FRY: variants seen among roughly 807,000 people sequenced by gnomAD.
FRY encodes the protein FRY microtubule binding protein, also known as protein furry homolog.
Under a neutral mutation model 348.4 loss-of-function variants are expected in FRY, and 128 were observed. That is an observed-to-expected ratio of 0.37 (90% CI 0.32 to 0.43). The LOEUF (loss-of-function observed/expected upper bound fraction) is 0.43, where lower values mean the gene tolerates loss of function less well. Ranked by LOEUF, FRY falls within the 20% of genes least tolerant of loss-of-function variation. The probability of loss-of-function intolerance (pLI) is 1.00; values close to 1 mark genes in which losing one functional copy is unlikely to be tolerated. For synonymous variants in FRY, 1,370 were observed against 1,374.7 expected (o/e 1.00, Z 0.08); for missense variants, 2,736 against 3,695.2 (o/e 0.74, Z 6.73).
At chr13:32,095,177 A>AT (rs1876603809) in intron 2 of FRY, among the ~76,000 whole-genome samples, 1 of 122,758 alleles carries the variant, frequency 8.1e-6, no homozygotes, top group Non-Finnish European at 1.7e-5. Flanking sequence ...TCTTTTGCCC[A>AT]TTTTTTGATC....
chr13:32,193,981 C>T (rs559106068), intron 28 of FRY, among the ~76,000 whole-genome samples, 162 bp from the exon 29 acceptor site: 3 of 152,200 alleles, frequency 2.0e-5, no homozygotes, highest in Admixed American at 6.5e-5. Flanking sequence ...TTTTCAGTTA[C>T]GACATTATAC....
At chr13:32,130,027 T>C (rs902919086) in intron 7 of FRY, among the ~76,000 whole-genome samples, 8 of 151,788 alleles carry the variant, frequency 5.3e-5, no homozygotes, top group Non-Finnish European at 1.0e-4. Context: ...ACCTTTCATT[T>C]CTATAATCAC....
At chr13:32,075,875 C>T (rs756751498) in intron 1 of FRY, among the ~76,000 whole-genome samples, 3 of 152,192 alleles carry the variant, frequency 2.0e-5, no homozygotes, top group Admixed American at 1.3e-4. Context: ...TGACACCCCA[C>T]CTTGAATCAT....
At chr13:32,069,326 G>A (rs1346408747) in intron 1 of FRY, among the ~76,000 whole-genome samples, 1 of 152,108 alleles carries the variant, frequency 6.6e-6, no homozygotes, top group Non-Finnish European at 1.5e-5. Flanking sequence ...GACCTTCATG[G>A]CCTAAGGATA....
intron 19 of FRY, 43 bp downstream of exon 19, chr13:32,173,592 C>G: frequency 7.1e-7 from 1 of 1,413,502 alleles, no homozygotes; most frequent in Non-Finnish European, 1.0e-6. Flanking sequence ...TTACTTTCAA[C>G]TCTTCTGAAA....
intron 2 of FRY, among the ~76,000 whole-genome samples, chr13:32,098,618 T>A (rs1876929978): frequency 6.6e-6 from 1 of 152,008 alleles, no homozygotes; most frequent in Non-Finnish European, 1.5e-5. Context: ...ATAGTTCAGC[T>A]GAGGTTTGAA....
chr13:32,064,137 G>A (rs188880398), intron 1 of FRY, among the ~76,000 whole-genome samples: 2 of 152,236 alleles, frequency 1.3e-5, no homozygotes, highest in Non-Finnish European at 2.9e-5. Context: ...CAGAACCCTG[G>A]ATGACAGTAA....
chr13:32,209,242 GC>G, intron 32 of FRY, 133 bp downstream of exon 32: 1 of 1,032,780 alleles, frequency 9.7e-7, no homozygotes, highest in Non-Finnish European at 1.5e-6. Flanking sequence ...GGTGATGGTT[GC>G]ACAGAAATAT....
chr13:32,246,741 T>C (rs1025802662), intron 47 of FRY, among the ~76,000 whole-genome samples: 1 of 152,184 alleles, frequency 6.6e-6, no homozygotes, highest in Non-Finnish European at 1.5e-5. Context: ...AGGGTGCCGC[T>C]GAGCCAGTGC....
chr13:32,118,850 G>C (rs1878470583), intron 4 of FRY, among the ~76,000 whole-genome samples: 1 of 152,024 alleles, frequency 6.6e-6, no homozygotes, highest in African/African-American at 2.4e-5. Context: ...AAATTAAAAG[G>C]ATCATTTTAT....
rs111742670 is a variant in FRY, at chr13:32,082,996, A to G, written c.270+3963A>G. Among the ~76,000 whole-genome samples the G allele has an allele frequency of 3.9e-3, 592 of 152,162 alleles. 3 individuals are homozygous for G. The highest frequency in any genetic ancestry group is 0.014 in the African/African-American group (569 of 41,524). On this transcript the variant is annotated intron_variant, in intron 2 of 60. Transcript: ENST00000542859. ...ATTTATATCTTTTCATCAATTCTGG[A>G]AAACTCTTAACTATTAATTATATGA...
In FRY at chr13:32,186,248, T is replaced by C. The variant is rs763127898; in HGVS notation, c.3320-12T>C. 1.2e-6 allele frequency: 2 copies of C among 1,606,312 alleles called. No individual in the cohort carries two copies. Among genetic ancestry groups the C allele is most frequent in the South Asian group, 2.2e-5 (2 of 90,906 alleles). On this transcript the variant is annotated splice_polypyrimidine_tract_variant and intron_variant, in intron 26 of 60. Coordinates refer to ENST00000542859, the MANE Select transcript of FRY (RefSeq NM_023037.3). Reference sequence around the variant, plus strand: ...CCAGTCTTATAACCTCTAAGTGTGTTTTTCTCCCTAGTTCACCACCGAAGA... The same window carrying C: ...CCAGTCTTATAACCTCTAAGTGTGTCTTTCTCCCTAGTTCACCACCGAAGA...
intron 12 of FRY, 85 bp downstream of exon 12, chr13:32,147,470 A>G (rs918364312): frequency 1.3e-6 from 1 of 779,660 alleles, no homozygotes; most frequent in Non-Finnish European, 2.3e-6. Context: ...TGCTAACTCA[A>G]CTAGAAGCTA....
rs946314416 is a variant in FRY at position 32,079,114 on chromosome 13, G to A, written c.270+81G>A. ...ACTAGATTTAAACACTATAACAAAA[G>A]ATGGATTGCTTTTCCTCTGGTTTGT... On this transcript the variant is annotated intron_variant, in intron 2 of 60. Transcript: ENST00000542859. 3 of 973,890 alleles carry A rather than the reference G, an allele frequency of 3.1e-6. No individual in the cohort carries two copies. In the African/African-American group the frequency reaches 4.8e-5, roughly 15 times the overall value. The allele number at this position is 973,890 out of a possible 1,614,324, so 60.3% of individuals were successfully genotyped here. A position where few individuals can be genotyped will look rare whatever the true frequency, so the allele number is the denominator to read the frequency against.
Position 32,267,198 on chromosome 13 carries a change from C to G in FRY, c.7975C>G (p.Pro2659Ala), listed in dbSNP as rs1410511746. The change falls in exon 55 of 61, where the codon CCC becomes GCC. Residue 2659 changes from proline (P) to alanine (A), a missense_variant. Physicochemically the swap from Pro to Ala is conservative, Grantham distance 27. This residue lies in a region of FRY where 789 missense variants were observed against 996.2 expected (regional missense o/e 0.79). Coordinates refer to ENST00000542859, the MANE Select transcript of FRY (RefSeq NM_023037.3). ...TGGAGAAGGTGACAGGGGAGTCTCTCCCCCTCCCTCGCCCTTCTTCTCAGC... is the reference window on the plus strand; with the variant it reads ...TGGAGAAGGTGACAGGGGAGTCTCTGCCCCTCCCTCGCCCTTCTTCTCAGC... ...SFGEGDRGVS[P>A]PPSPFFSAIL... The G allele has an allele frequency of 6.2e-7, 1 of 1,612,308 alleles. No homozygotes were observed. Among genetic ancestry groups the G allele is most frequent in the Admixed American group, 1.7e-5 (1 of 59,966 alleles).
intron 1 of FRY, among the ~76,000 whole-genome samples, chr13:32,037,045 CACACACACACACAA>C (rs1307935754): frequency 4.9e-5 from 5 of 101,778 alleles, no homozygotes; most frequent in African/African-American, 1.1e-4. Flanking sequence ...CACACACACA[CACACACACACACAA>C]ACACACACAC....
intron 1 of FRY, among the ~76,000 whole-genome samples, chr13:32,041,066 G>A (rs1342178474): frequency 6.6e-6 from 1 of 152,174 alleles, no homozygotes; most frequent in Non-Finnish European, 1.5e-5. Context: ...ATAGCAGACT[G>A]TAACCAGTGA....
intron 41 of FRY, 130 bp downstream of exon 41, chr13:32,231,430 G>A (rs1885910905): frequency 1.1e-6 from 1 of 904,908 alleles, no homozygotes; most frequent in Admixed American, 1.7e-5. Flanking sequence ...TATTCACAGG[G>A]GAGTTCTGAA....
chr13:32,087,574 C>T (rs74044402), intron 2 of FRY, among the ~76,000 whole-genome samples: 1,681 of 152,282 alleles, frequency 0.011, 39 homozygotes, highest in African/African-American at 0.039. Flanking sequence ...CATACATACT[C>T]ATCCCAGCTT....
Sources: allele counts gnomAD v4.1 joint callset (sites outside exome capture counted in the v4.1 genomes callset), GRCh38; gene constraint gnomAD v4.1.1; regional missense constraint gnomAD v4.1.1; transcripts MANE v1.5; gene names NCBI Gene and HGNC (gene_info 2026-07-23, HGNC 2026-07-21).